The following OPCML variants were observed in gnomAD, a reference collection of about 807,000 sequenced individuals.
OPCML encodes the protein opioid binding protein/cell adhesion molecule like, also known as opioid-binding protein/cell adhesion molecule.
In OPCML, 13 loss-of-function variants were observed where a neutral mutation model predicts 37.8. That is an observed-to-expected ratio of 0.34 (90% CI 0.22 to 0.55). The LOEUF (loss-of-function observed/expected upper bound fraction) is 0.55. OPCML is among the 20% of genes least tolerant of loss of function. The pLI, the probability that OPCML is intolerant of heterozygous loss-of-function variation, is 0.91. For synonymous variants in OPCML, 176 were observed against 168.8 expected (o/e 1.04, Z -0.33); for missense variants, 341 against 435.6 (o/e 0.78, Z 1.93).
At chr11:132,913,930 C>A (rs1449336502) in intron 2 of OPCML, among the ~76,000 whole-genome samples, 1 of 152,218 alleles carries the variant, frequency 6.6e-6, no homozygotes, top group Non-Finnish European at 1.5e-5. Flanking sequence ...CACTAGGCAT[C>A]CTTTCGACTC....
intron 4 of OPCML, among the ~76,000 whole-genome samples, chr11:132,456,490 C>G (rs1345755742): frequency 6.6e-6 from 1 of 152,184 alleles, no homozygotes; most frequent in African/African-American, 2.4e-5. Flanking sequence ...CGTGATCTGT[C>G]TTGCTCATTT....
intron 1 of OPCML, among the ~76,000 whole-genome samples, chr11:133,347,954 A>G (rs2136685072): frequency 6.6e-6 from 1 of 152,350 alleles, no homozygotes. Context: ...AGGATATGAC[A>G]ATCCATATCA....
intron 4 of OPCML, among the ~76,000 whole-genome samples, chr11:132,525,441 C>T (rs928251086): frequency 6.6e-6 from 1 of 152,208 alleles, no homozygotes; most frequent in African/African-American, 2.4e-5. Flanking sequence ...CATTAGCTAA[C>T]TCCTCCACCA....
At chr11:132,671,454 A>T (rs1942473642) in intron 2 of OPCML, among the ~76,000 whole-genome samples, 1 of 152,122 alleles carries the variant, frequency 6.6e-6, no homozygotes, top group Admixed American at 6.6e-5. Context: ...GCTGCTTTTA[A>T]TTTGTGTCAC....
At chr11:133,261,346 G>A (rs1276124235) in intron 1 of OPCML, among the ~76,000 whole-genome samples, 1 of 152,210 alleles carries the variant, frequency 6.6e-6, no homozygotes, top group Non-Finnish European at 1.5e-5. Flanking sequence ...AGACTGGAAT[G>A]TCTGTCCCCC....
At chr11:132,438,584 TG>T (rs1381288136) in intron 4 of OPCML, among the ~76,000 whole-genome samples, 1 of 147,882 alleles carries the variant, frequency 6.8e-6, no homozygotes, top group African/African-American at 2.5e-5. Context: ...AGGTGGAAGG[TG>T]GGGACAGTGT....
chr11:132,609,562 G>T (rs529556384), intron 3 of OPCML, among the ~76,000 whole-genome samples: 2 of 152,290 alleles, frequency 1.3e-5, no homozygotes, highest in East Asian at 1.9e-4. Flanking sequence ...AGTGCTGTAT[G>T]CTTAGCACAC....
At chr11:133,149,381 T>C (rs1481775697) in intron 1 of OPCML, among the ~76,000 whole-genome samples, 5 of 152,232 alleles carry the variant, frequency 3.3e-5, no homozygotes, top group African/African-American at 1.2e-4. Context: ...AAATGTTCTT[T>C]CCTACTGTTT....
intron 4 of OPCML, among the ~76,000 whole-genome samples, chr11:132,475,395 G>C (rs558738475): frequency 9.3e-4 from 141 of 152,262 alleles, no homozygotes; most frequent in African/African-American, 3.2e-3. Context: ...AACTGTAACT[G>C]TGCCCCACCC....
chr11:132,739,510 C>G (rs1468142383), intron 2 of OPCML, among the ~76,000 whole-genome samples: 1 of 152,176 alleles, frequency 6.6e-6, no homozygotes, highest in African/African-American at 2.4e-5. Context: ...AATCAACCAG[C>G]TATAGCCAAG....
chr11:133,382,117 G>T (rs1944942956), intron 1 of OPCML, among the ~76,000 whole-genome samples: 1 of 152,194 alleles, frequency 6.6e-6, no homozygotes, highest in Non-Finnish European at 1.5e-5. Flanking sequence ...GAGGCGGAGG[G>T]ATGGAAGGTG....
intron 3 of OPCML, among the ~76,000 whole-genome samples, chr11:132,649,584 T>A (rs1378002223): frequency 1.3e-5 from 2 of 151,988 alleles, no homozygotes; most frequent in Non-Finnish European, 2.9e-5. Context: ...TTATAGAGGG[T>A]ATTCTGGACA....
In OPCML at chr11:133,382,059, A is replaced by C. The variant is rs905132077; in HGVS notation, c.61+150205T>G. On this transcript the variant is annotated intron_variant, in intron 1 of 7. Coordinates refer to ENST00000524381, the MANE Select transcript of OPCML (RefSeq NM_001012393.5). ...GTGCCAGGCTCTTGCAGGCTGTCTC[A>C]TCAATATGCCTTTTCTCCATTTGCC... 2.6e-5 allele frequency among the ~76,000 whole-genome samples: 4 copies of C among 152,204 alleles called. No homozygotes were observed. The South Asian group carries it at 8.3e-4, about 31-fold the overall frequency.
chr11:133,311,171 T>A (rs1219328145), intron 1 of OPCML, among the ~76,000 whole-genome samples: 3 of 152,184 alleles, frequency 2.0e-5, no homozygotes, highest in Admixed American at 6.5e-5. Flanking sequence ...TGCCAACACT[T>A]CAGGGAAAAA....
chr11:132,714,341 T>A (rs1784184), intron 2 of OPCML, among the ~76,000 whole-genome samples: 5 of 152,168 alleles, frequency 3.3e-5, no homozygotes, highest in African/African-American at 9.7e-5. Flanking sequence ...GGATACCACA[T>A]CAGTCTGAAA....
chr11:133,124,310 CTT>C (rs1168851278), intron 1 of OPCML, among the ~76,000 whole-genome samples: 1 of 152,114 alleles, frequency 6.6e-6, no homozygotes, highest in Non-Finnish European at 1.5e-5. Context: ...TTCGGGGGCT[CTT>C]TGCAAAGCTC....
chr11:133,099,787 G>A (rs1949060011), intron 1 of OPCML, among the ~76,000 whole-genome samples: 1 of 152,096 alleles, frequency 6.6e-6, no homozygotes. Flanking sequence ...TTGTTGAATT[G>A]TTCAAGTTCC....
At chr11:132,446,576 T>C (rs2096055873) in intron 4 of OPCML, among the ~76,000 whole-genome samples, 3 of 152,156 alleles carry the variant, frequency 2.0e-5, no homozygotes, top group Non-Finnish European at 2.9e-5. Flanking sequence ...TTTTACATAG[T>C]AGAGCTTAAA....
chr11:132,791,323 C>T (rs556546180), intron 2 of OPCML, among the ~76,000 whole-genome samples: 31 of 152,306 alleles, frequency 2.0e-4, no homozygotes, highest in African/African-American at 7.5e-4. Flanking sequence ...GCTTTATCAG[C>T]TCAGACAGGC....
Sources: gnomAD v4.1 joint callset for allele counts (sites outside exome capture counted in the v4.1 genomes callset) on GRCh38, gnomAD v4.1.1 for gene constraint, MANE v1.5 for transcripts, NCBI Gene and HGNC (gene_info 2026-07-23, HGNC 2026-07-21) for gene names.